The following BCL11B variants were observed in gnomAD, a reference collection of about 807,000 sequenced individuals.
BCL11B encodes the protein B-cell lymphoma/leukemia 11B.
BCL11B carries 8 observed loss-of-function variants against 49.9 expected under a neutral mutation model. The observed-to-expected ratio is 0.16, with a 90% CI of 0.09 to 0.29. The LOEUF (loss-of-function observed/expected upper bound fraction) is 0.29. Ranked by LOEUF, BCL11B falls within the 10% of genes least tolerant of loss-of-function variation. BCL11B has a pLI of 1.00. For missense variants in BCL11B, 1,006 were observed against 1,351.0 expected, an observed-to-expected ratio of 0.74 and a Z score of 4.00; for synonymous variants, 739 against 637.4, an observed-to-expected ratio of 1.16 and a Z score of -2.40.
intron 3 of BCL11B, among the ~76,000 whole-genome samples, chr14:99,189,370 C>T (rs927863258): frequency 6.6e-6 from 1 of 152,234 alleles, no homozygotes; most frequent in African/African-American, 2.4e-5. Context: ...TAAGATGCAC[C>T]GAACGCCACC....
chr14:99,245,257 G>T (rs942468985), intron 2 of BCL11B, among the ~76,000 whole-genome samples: 1 of 152,230 alleles, frequency 6.6e-6, no homozygotes, highest in African/African-American at 2.4e-5. Context: ...CTTGTTGGAA[G>T]AGGTTATCCT....
At position 99,231,135 on chromosome 14, in the gene BCL11B, G is replaced by A. The variant is rs1357583801; in HGVS notation, c.640+210C>T. Among the ~76,000 whole-genome samples, 1 of 152,196 alleles carries A rather than the reference G, an allele frequency of 6.6e-6. No individual in the cohort carries two copies. Among genetic ancestry groups the A allele is most frequent in the Non-Finnish European group, 1.5e-5 (1 of 68,030 alleles). On this transcript the variant is annotated intron_variant, in intron 3 of 3. Transcript: ENST00000357195. The surrounding 1 kb of genome is among the most constrained non-coding windows in gnomAD (Gnocchi z 8.1). ...TCTGGGAGCAAGACTCTCAGAACGG[G>A]TGGGGGCACCGTGGGGGACTCCTGA...
intron 1 of BCL11B, among the ~76,000 whole-genome samples, chr14:99,259,290 A>G (rs1889269441): frequency 6.6e-6 from 1 of 152,236 alleles, no homozygotes; most frequent in East Asian, 1.9e-4. Context: ...CAGTGAAGTT[A>G]TTGAAGTGCC....
chr14:99,207,923 T>C (rs1018929239), intron 3 of BCL11B, among the ~76,000 whole-genome samples: 4 of 152,124 alleles, frequency 2.6e-5, no homozygotes, highest in Admixed American at 2.6e-4. Context: ...TGGGTGGCCC[T>C]GGGCAAGTAA....
chr14:99,271,078 G>T (rs1889662726), intron 1 of BCL11B, 83 bp downstream of exon 1: 3 of 1,392,830 alleles, frequency 2.2e-6, no homozygotes, highest in Non-Finnish European at 1.9e-6. Flanking sequence ...GGCCAGGCTC[G>T]GCTGTTCCGG....
intron 3 of BCL11B, among the ~76,000 whole-genome samples, chr14:99,189,049 G>C (rs1189410237): frequency 2.0e-5 from 3 of 152,240 alleles, no homozygotes; most frequent in Admixed American, 6.5e-5. Context: ...GCTTCCCCGG[G>C]GGATTTTGGG....
rs542117321 is a variant in BCL11B, at chr14:99,195,311, A to G, written c.641-19116T>C. Among the ~76,000 whole-genome samples, 1 of 152,206 alleles carries G rather than the reference A, an allele frequency of 6.6e-6. No individual in the cohort carries two copies. The highest frequency in any genetic ancestry group is 1.5e-5 in the Non-Finnish European group (1 of 68,002). Reference sequence around the variant, plus strand: ...CCCAGGGCTCCTCTGGAAGAAAAGGAAGAGAAGCTTCCCAGGGCTCTCCAG... The same window carrying G: ...CCCAGGGCTCCTCTGGAAGAAAAGGGAGAGAAGCTTCCCAGGGCTCTCCAG... On this transcript the variant is annotated intron_variant, in intron 3 of 3. Coordinates refer to ENST00000357195, the MANE Select transcript of BCL11B (RefSeq NM_138576.4). The surrounding 1 kb of genome is among the most constrained non-coding windows in gnomAD (Gnocchi z 4.7).
chr14:99,218,060 G>A (rs1046670974), intron 3 of BCL11B, among the ~76,000 whole-genome samples: 14 of 145,018 alleles, frequency 9.7e-5, no homozygotes, highest in African/African-American at 3.3e-4. Flanking sequence ...AATCATTGCA[G>A]GTTTTTTTTT....
Position 99,241,665 on chromosome 14 carries a change from G to A in BCL11B, c.428-10108C>T, listed in dbSNP as rs930124103. 6.6e-6 allele frequency among the ~76,000 whole-genome samples: 1 copy of A among 151,968 alleles called. No individual in the cohort carries two copies. Among genetic ancestry groups the A allele is most frequent in the Admixed American group, 6.5e-5 (1 of 15,274 alleles). On this transcript the variant is annotated intron_variant, in intron 2 of 3. Coordinates refer to ENST00000357195, the MANE Select transcript of BCL11B (RefSeq NM_138576.4). The surrounding 1 kb of genome is among the most constrained non-coding windows in gnomAD (Gnocchi z 4.4). ...CTTGCTACGTGTCCCTGTGCTGTAG[G>A]GGGGACGATGTCGCTTTTTTCCCCC...
chr14:99,190,907 C>CGGGG (rs5810925), intron 3 of BCL11B, among the ~76,000 whole-genome samples: 2 of 151,280 alleles, frequency 1.3e-5, no homozygotes, highest in African/African-American at 4.9e-5. Context: ...TTCGGCCACA[C>CGGGG]GGGGGGGGTC....
At chr14:99,239,203 G>C (rs1002111452) in intron 2 of BCL11B, among the ~76,000 whole-genome samples, 3 of 152,122 alleles carry the variant, frequency 2.0e-5, no homozygotes, top group Non-Finnish European at 2.9e-5. Flanking sequence ...TCAGAGGTGT[G>C]GTAGCTGCTT....
intron 2 of BCL11B, among the ~76,000 whole-genome samples, chr14:99,243,413 C>T (rs895977872): frequency 6.6e-6 from 1 of 152,200 alleles, no homozygotes; most frequent in Non-Finnish European, 1.5e-5. Context: ...CCTGCCCCCA[C>T]GGACTGAACA....
chr14:99,190,493 G>T (rs964121105), intron 3 of BCL11B, among the ~76,000 whole-genome samples: 1 of 152,168 alleles, frequency 6.6e-6, no homozygotes, highest in African/African-American at 2.4e-5. Context: ...GTCTCAAATA[G>T]AAATAAATAA....
chr14:99,237,772 G>A (rs1257419434), intron 2 of BCL11B, among the ~76,000 whole-genome samples: 4 of 152,198 alleles, frequency 2.6e-5, no homozygotes, highest in Non-Finnish European at 4.4e-5. Context: ...TCGAATCTAC[G>A]TTTGGCCTCT....
At chr14:99,266,082 T>C (rs1889474376) in intron 1 of BCL11B, among the ~76,000 whole-genome samples, 1 of 152,234 alleles carries the variant, frequency 6.6e-6, no homozygotes, top group Admixed American at 6.5e-5. Flanking sequence ...TGATCAAGAC[T>C]GGCTCTAGCA....
rs1024737446 is a variant in BCL11B at position 99,194,441 on chromosome 14, C to T, written c.641-18246G>A. On this transcript the variant is annotated intron_variant, in intron 3 of 3. Coordinates refer to ENST00000357195, the MANE Select transcript of BCL11B (RefSeq NM_138576.4). The surrounding 1 kb of genome is among the most constrained non-coding windows in gnomAD (Gnocchi z 4.6). ...GGCATGGCCAGAGCTCTGTCCTTCT[C>T]GGCTTCTGCCCTGTGGGGCACCCAG... Among the ~76,000 whole-genome samples the T allele has an allele frequency of 3.3e-5, 5 of 152,230 alleles. No individual in the cohort carries two copies. The highest frequency in any genetic ancestry group is 1.9e-4 in the East Asian group (1 of 5,190).
chr14:99,231,752 G>C lies in BCL11B; in HGVS notation c.428-195C>G, dbSNP rs1287910180. On this transcript the variant is annotated intron_variant, in intron 2 of 3. Transcript: ENST00000357195. This position sits in a 1 kb window ranked among gnomAD's most constrained non-coding sequence, Gnocchi z 8.1. Reference sequence around the variant, plus strand: ...GAATGGGCTCGGGGAGGTGGGCAGGGGGCACTGGGGAGGGCCCGGTTTCCA... The same window carrying C: ...GAATGGGCTCGGGGAGGTGGGCAGGCGGCACTGGGGAGGGCCCGGTTTCCA... 1.3e-5 allele frequency among the ~76,000 whole-genome samples: 2 copies of C among 152,072 alleles called. No homozygotes were observed. Among genetic ancestry groups the C allele is most frequent in the East Asian group, 3.9e-4 (2 of 5,106 alleles).
chr14:99,194,369 C>A lies in BCL11B; in HGVS notation c.641-18174G>T, dbSNP rs1311773210. 6.6e-6 allele frequency among the ~76,000 whole-genome samples: 1 copy of A among 152,346 alleles called. No homozygotes were observed. Among genetic ancestry groups the A allele is most frequent in the East Asian group, 1.9e-4 (1 of 5,186 alleles). On this transcript the variant is annotated intron_variant, in intron 3 of 3. Coordinates refer to ENST00000357195, the MANE Select transcript of BCL11B (RefSeq NM_138576.4). The surrounding 1 kb of genome is among the most constrained non-coding windows in gnomAD (Gnocchi z 4.6). Reference sequence around the variant, plus strand: ...ATGGGCCCGCCAAGGAGCCAGTGCTCCTGGACAACATCCCTAGGGGGTGGC... The same window carrying A: ...ATGGGCCCGCCAAGGAGCCAGTGCTACTGGACAACATCCCTAGGGGGTGGC...
At chr14:99,245,434 C>T (rs182106732) in intron 2 of BCL11B, among the ~76,000 whole-genome samples, 2 of 152,338 alleles carry the variant, frequency 1.3e-5, no homozygotes, top group South Asian at 2.1e-4. Flanking sequence ...ACTAAGGTCC[C>T]CACGAAATCC....
Sources: gnomAD v4.1 joint callset for allele counts (sites outside exome capture counted in the v4.1 genomes callset) on GRCh38, gnomAD v4.1.1 for gene constraint, Gnocchi (gnomAD v3.1) non-coding constraint, MANE v1.5 for transcripts, NCBI Gene and HGNC (gene_info 2026-07-23, HGNC 2026-07-21) for gene names.